Variants in EVI5 observed in about 807,000 individuals in gnomAD.
EVI5 encodes the protein ecotropic viral integration site 5, also known as ecotropic viral integration site 5 protein homolog.
In EVI5, 73 loss-of-function variants were observed where a neutral mutation model predicts 112.0. The ratio of observed to expected loss-of-function variants is 0.65; its 90% CI spans 0.54 to 0.79. The LOEUF (loss-of-function observed/expected upper bound fraction) is 0.79, where lower values mean the gene tolerates loss of function less well. EVI5 is among the 30% of genes least tolerant of loss of function. The pLI, the probability that EVI5 is intolerant of heterozygous loss-of-function variation, is 0.00. For missense variants in EVI5, 900 were observed against 968.8 expected, an observed-to-expected ratio of 0.93 and a Z score of 0.94; for synonymous variants, 305 against 319.9, an observed-to-expected ratio of 0.95 and a Z score of 0.50.
intron 2 of EVI5, among the ~76,000 whole-genome samples, chr1:92,714,357 G>A (rs967425926): frequency 6.6e-6 from 1 of 152,124 alleles, no homozygotes; most frequent in Non-Finnish European, 1.5e-5. Flanking sequence ...ATTTGGGGAA[G>A]GGAAGAATAA....
At chr1:92,708,224 G>T (rs903785324) in intron 2 of EVI5, among the ~76,000 whole-genome samples, 14 of 151,678 alleles carry the variant, frequency 9.2e-5, no homozygotes, top group African/African-American at 3.2e-4. Flanking sequence ...TCTACAGAAT[G>T]GGAGAAAATA....
intron 18 of EVI5, among the ~76,000 whole-genome samples, chr1:92,591,802 A>G (rs1468852117): frequency 6.6e-6 from 1 of 152,196 alleles, no homozygotes; most frequent in Non-Finnish European, 1.5e-5. Context: ...TCAATAGAAT[A>G]TACATTCTTT....
At chr1:92,644,218 C>CATTT in intron 13 of EVI5, among the ~76,000 whole-genome samples, 1 of 152,196 alleles carries the variant, frequency 6.6e-6, no homozygotes, top group Admixed American at 6.5e-5. Context: ...CAATTTATAT[C>CATTT]ATGTGCCTTC....
At chr1:92,610,961 G>C (rs7542867) in intron 16 of EVI5, among the ~76,000 whole-genome samples, 14 of 148,416 alleles carry the variant, frequency 9.4e-5, no homozygotes, top group South Asian at 4.3e-4. Flanking sequence ...GTTGGGGGAG[G>C]GGGGAGGGAT....
At chr1:92,748,353 A>AT (rs1479518725) in intron 1 of EVI5, among the ~76,000 whole-genome samples, 1 of 152,184 alleles carries the variant, frequency 6.6e-6, no homozygotes, top group African/African-American at 2.4e-5. Context: ...AAATGTGAAC[A>AT]TACCCCCAAC....
At chr1:92,677,887 A>T (rs1180632491) in intron 9 of EVI5, among the ~76,000 whole-genome samples, 6 of 152,228 alleles carry the variant, frequency 3.9e-5, no homozygotes. Context: ...TAACATCACC[A>T]GTAATACATA....
chr1:92,786,979 G>A (rs1460230365), upstream of EVI5, among the ~76,000 whole-genome samples: 2 of 152,078 alleles, frequency 1.3e-5, no homozygotes, highest in Non-Finnish European at 2.9e-5. Flanking sequence ...CTTTGACAAC[G>A]GCTCTAGTAT....
At chr1:92,759,708 T>G (rs1308232333) in intron 1 of EVI5, among the ~76,000 whole-genome samples, 1 of 152,198 alleles carries the variant, frequency 6.6e-6, no homozygotes, top group African/African-American at 2.4e-5. Flanking sequence ...GGGATCATAC[T>G]TATATCATTA....
intron 9 of EVI5, among the ~76,000 whole-genome samples, chr1:92,680,612 T>C (rs1667426715): frequency 6.6e-6 from 1 of 152,150 alleles, no homozygotes; most frequent in South Asian, 2.1e-4. Flanking sequence ...AATCTCAAAG[T>C]AGCCTGCCAC....
At position 92,778,973 on chromosome 1, in the gene EVI5, AT is replaced by A. The variant is rs1000279555; in HGVS notation, c.-82+5862del. Among the ~76,000 whole-genome samples the A allele has an allele frequency of 1.6e-3, 230 of 148,180 alleles. 1 individual carries two copies. Among genetic ancestry groups the A allele is most frequent in the South Asian group, 4.7e-3 (22 of 4,680 alleles). ...AGATTCTGACGTATTAGCAGCAGGG[AT>A]TTTTTTTTTTAATTCTCCATGTGAT... On this transcript the variant is annotated intron_variant, in intron 1 of 19. Coordinates refer to ENST00000684568, the MANE Select transcript of EVI5 (RefSeq NM_001350197.2).
At chr1:92,672,967 G>A (rs547627140) in intron 10 of EVI5, among the ~76,000 whole-genome samples, 14 of 152,074 alleles carry the variant, frequency 9.2e-5, no homozygotes, top group Admixed American at 6.5e-4. Context: ...CTGTTTCCTC[G>A]CAATGTGACC....
intron 5 of EVI5, among the ~76,000 whole-genome samples, chr1:92,698,444 A>G (rs1333831342): frequency 2.6e-5 from 4 of 152,218 alleles, no homozygotes; most frequent in South Asian, 4.1e-4. Flanking sequence ...ACACACGGCT[A>G]TTGATATAGA....
chr1:92,546,400 C>A (rs1665706059), intron 19 of EVI5, among the ~76,000 whole-genome samples: 1 of 151,952 alleles, frequency 6.6e-6, no homozygotes, highest in African/African-American at 2.4e-5. Flanking sequence ...ACTAAACTTA[C>A]CAAATGAAAA....
intron 6 of EVI5, among the ~76,000 whole-genome samples, chr1:92,696,930 C>T (rs956581281): frequency 6.6e-6 from 1 of 151,968 alleles, no homozygotes; most frequent in African/African-American, 2.4e-5. Flanking sequence ...GTCCCAGCTA[C>T]TTGGGAGACT....
chr1:92,529,120 T>C (rs1335699598), intron 19 of EVI5, among the ~76,000 whole-genome samples: 1 of 152,242 alleles, frequency 6.6e-6, no homozygotes, highest in Non-Finnish European at 1.5e-5. Context: ...CTTTATATGT[T>C]AGACCATTAG....
chr1:92,666,408 A>T (rs1414502826), intron 10 of EVI5, among the ~76,000 whole-genome samples: 1 of 146,584 alleles, frequency 6.8e-6, no homozygotes, highest in African/African-American at 2.5e-5. Context: ...CACACACAGA[A>T]TGGTGGTGCG....
chr1:92,665,370 AAAT>A (rs1392702248), intron 11 of EVI5, among the ~76,000 whole-genome samples: 1 of 152,236 alleles, frequency 6.6e-6, no homozygotes, highest in Non-Finnish European at 1.5e-5. Context: ...ACACTATGAA[AAAT>A]AATGCAAAAT....
At chr1:92,600,639 T>A (rs1648957558) in intron 18 of EVI5, among the ~76,000 whole-genome samples, 1 of 152,132 alleles carries the variant, frequency 6.6e-6, no homozygotes, top group East Asian at 1.9e-4. Context: ...GGCATTAGAT[T>A]CTCTCATAAG....
chr1:92,765,687 T>C (rs1368080497), intron 1 of EVI5, among the ~76,000 whole-genome samples: 4 of 152,068 alleles, frequency 2.6e-5, no homozygotes, highest in East Asian at 1.9e-4. Flanking sequence ...AAACCTAAAG[T>C]TGTCTTCCTT....
Sources: allele counts gnomAD v4.1 joint callset (sites outside exome capture counted in the v4.1 genomes callset), GRCh38; gene constraint gnomAD v4.1.1; transcripts MANE v1.5; gene names NCBI Gene and HGNC (gene_info 2026-07-23, HGNC 2026-07-21).